Variants in LTBP1 observed in about 807,000 individuals in gnomAD.
LTBP1 encodes latent transforming growth factor beta binding protein 1, also known as latent-transforming growth factor beta-binding protein 1.
A neutral mutation model predicts 207.6 loss-of-function variants in LTBP1; 129 were observed. That is an observed-to-expected ratio of 0.62 (90% CI 0.54 to 0.72). The LOEUF (loss-of-function observed/expected upper bound fraction) is 0.72. LTBP1 is among the 30% of genes least tolerant of loss of function. The pLI, the probability that LTBP1 is intolerant of heterozygous loss-of-function variation, is 0.00. For synonymous variants in LTBP1, 963 were observed against 833.7 expected, an observed-to-expected ratio of 1.16 and a Z score of -2.67; for missense variants, 2,281 against 2,217.2, an observed-to-expected ratio of 1.03 and a Z score of -0.58.
intron 2 of LTBP1, among the ~76,000 whole-genome samples, chr2:33,019,636 G>A (rs1019521188): frequency 8.6e-5 from 13 of 151,692 alleles, no homozygotes; most frequent in African/African-American, 3.1e-4. Context: ...TGCCCAGCCA[G>A]TAGCATCTAA....
chr2:33,328,517 G>A (rs2094457049), intron 24 of LTBP1, among the ~76,000 whole-genome samples: 1 of 152,208 alleles, frequency 6.6e-6, no homozygotes, highest in Non-Finnish European at 1.5e-5. Flanking sequence ...CAAAGGAAGA[G>A]CAGGTACCTT....
intron 4 of LTBP1, among the ~76,000 whole-genome samples, chr2:33,121,948 T>A (rs950351830): frequency 6.6e-6 from 1 of 152,166 alleles, no homozygotes; most frequent in African/African-American, 2.4e-5. Context: ...CCCCTAACAT[T>A]TTATTCATCC....
At chr2:33,152,407 C>G (rs1293566356) in intron 5 of LTBP1, among the ~76,000 whole-genome samples, 1 of 152,000 alleles carries the variant, frequency 6.6e-6, no homozygotes, top group Non-Finnish European at 1.5e-5. Flanking sequence ...ATTAAAAAAT[C>G]AAAAAACAGT....
chr2:33,304,430 T>C (rs1446276355), intron 22 of LTBP1, among the ~76,000 whole-genome samples: 1 of 152,220 alleles, frequency 6.6e-6, no homozygotes, highest in Non-Finnish European at 1.5e-5. Flanking sequence ...TTTACACGTG[T>C]AATTTTCCCC....
At chr2:33,235,671 A>G (rs1455950885) in intron 9 of LTBP1, among the ~76,000 whole-genome samples, 3 of 152,246 alleles carry the variant, frequency 2.0e-5, no homozygotes, top group Non-Finnish European at 2.9e-5. Flanking sequence ...CATCAATGAT[A>G]GACTGGATGA....
intron 31 of LTBP1, among the ~76,000 whole-genome samples, chr2:33,382,851 G>A (rs2095231727): frequency 6.6e-6 from 1 of 152,096 alleles, no homozygotes; most frequent in South Asian, 2.1e-4. Flanking sequence ...AGGGAAGGAG[G>A]GTTGCTGCCT....
chr2:33,201,156 T>C (rs1038137245), intron 7 of LTBP1, among the ~76,000 whole-genome samples: 12 of 152,176 alleles, frequency 7.9e-5, no homozygotes, highest in Non-Finnish European at 1.5e-4. Context: ...TAAATCATGC[T>C]GCTATAAAGA....
chr2:33,115,079 C>T (rs1041724648), intron 4 of LTBP1, among the ~76,000 whole-genome samples: 1 of 146,520 alleles, frequency 6.8e-6, no homozygotes, highest in African/African-American at 2.5e-5. Context: ...CACACGTATA[C>T]ACAAATATAT....
chr2:32,947,295 C>T lies in LTBP1; in HGVS notation c.-30C>T, dbSNP rs62135679. On this transcript the variant is annotated 5_prime_UTR_variant, in exon 1 of 34. Coordinates refer to ENST00000404816, the MANE Select transcript of LTBP1 (RefSeq NM_206943.4). ...GGCCGGGGGAGGGGGCCGGACCGCG[C>T]GCGACCGGTCGCGCCCGCTGGGGCC... The T allele has an allele frequency of 0.15, 178,219 of 1,197,542 alleles. 13,940 individuals are homozygous for T. The highest frequency in any genetic ancestry group is 0.16 in the Non-Finnish European group (153,975 of 965,966). The allele number at this position is 1,197,542 out of a possible 1,614,324, so 74.2% of individuals were successfully genotyped here. A position where few individuals can be genotyped will look rare whatever the true frequency, so the allele number is the denominator to read the frequency against.
intron 22 of LTBP1, among the ~76,000 whole-genome samples, chr2:33,307,068 A>C (rs976091475): frequency 5.9e-5 from 9 of 152,208 alleles, no homozygotes; most frequent in African/African-American, 2.2e-4. Flanking sequence ...GCCTGGCAAC[A>C]GAGCGAGACT....
At chr2:33,291,831 C>G (rs2093780463) in intron 19 of LTBP1, 1 of 152,194 alleles carries the variant, frequency 6.6e-6, no homozygotes, top group Non-Finnish European at 1.5e-5. Flanking sequence ...TGCATGCAAT[C>G]TAGACTCTGG....
chr2:33,109,407 A>G (rs2080259336), intron 3 of LTBP1, among the ~76,000 whole-genome samples: 1 of 152,254 alleles, frequency 6.6e-6, no homozygotes, highest in Non-Finnish European at 1.5e-5. Flanking sequence ...GCAAAACTGC[A>G]CTGTCCTAAC....
chr2:33,318,373 T>C (rs897710728), intron 24 of LTBP1, among the ~76,000 whole-genome samples: 1 of 152,176 alleles, frequency 6.6e-6, no homozygotes, highest in Non-Finnish European at 1.5e-5. Context: ...CGGTATTTAC[T>C]GAGTTCCTAT....
chr2:33,354,724 A>ACACACC (rs2094834648), intron 26 of LTBP1, among the ~76,000 whole-genome samples: 1 of 131,932 alleles, frequency 7.6e-6, no homozygotes, highest in African/African-American at 3.1e-5. Context: ...ACACACACAC[A>ACACACC]CACACCATTG....
At chr2:33,195,017 A>C (rs2088385930) in intron 7 of LTBP1, among the ~76,000 whole-genome samples, 1 of 152,228 alleles carries the variant, frequency 6.6e-6, no homozygotes, top group Admixed American at 6.5e-5. Flanking sequence ...AGTTTGGTTT[A>C]CCGAAGGTTT....
chr2:32,948,232 G>A (rs548769365), intron 1 of LTBP1, among the ~76,000 whole-genome samples: 1 of 152,346 alleles, frequency 6.6e-6, no homozygotes, highest in Admixed American at 6.5e-5. Context: ...GGGCGGGCTA[G>A]CCGTAAAGAT....
chr2:33,349,233 T>C (rs1166952125), intron 26 of LTBP1, among the ~76,000 whole-genome samples: 1 of 152,190 alleles, frequency 6.6e-6, no homozygotes, highest in Admixed American at 6.5e-5. Context: ...GGCAGATCAC[T>C]GAGGCCAGGA....
At chr2:33,125,709 AGTCCCAGCT>A (rs2081395686) in intron 4 of LTBP1, among the ~76,000 whole-genome samples, 1 of 152,000 alleles carries the variant, frequency 6.6e-6, no homozygotes, top group Non-Finnish European at 1.5e-5. Context: ...AGGTGCCTGT[AGTCCCAGCT>A]GCTCGGGAGG....
rs748600270 is a variant in LTBP1, at chr2:33,300,511, G to C, written c.3296G>C (p.Gly1099Ala). 9 of 1,613,660 alleles carry C rather than the reference G, an allele frequency of 5.6e-6. No individual in the cohort carries two copies. In the South Asian group the frequency reaches 7.7e-5, roughly 14 times the overall value. ...AACGGGCAGTGCAAAAATACCGAGG[G>C]CTCCTTCAGGTGCACCTGTGGACAG... ...CVNGQCKNTE[G>A]SFRCTCGQGY... is the part of the protein sequence containing the mutation. Residue 1099 changes from glycine to alanine, a missense_variant, in exon 21 of 34, where the codon GGC (glycine) becomes GCC (alanine). By Grantham distance (60) the Gly-to-Ala change is moderately conservative. Around this residue, in one of 3 missense-constraint regions of LTBP1, gnomAD observed 1,671 missense variants for 1,634.8 expected, o/e 1.02. Transcript: ENST00000404816.
Sources: allele counts gnomAD v4.1 joint callset (sites outside exome capture counted in the v4.1 genomes callset), GRCh38; gene constraint gnomAD v4.1.1; regional missense constraint gnomAD v4.1.1; transcripts MANE v1.5; gene names NCBI Gene and HGNC (gene_info 2026-07-23, HGNC 2026-07-21).